ASIC2: variants seen among roughly 807,000 people sequenced by gnomAD.
ASIC2 encodes acid sensing ion channel subunit 2.
A neutral mutation model predicts 57.3 loss-of-function variants in ASIC2; 25 were observed. The observed-to-expected ratio is 0.44, with a 90% CI of 0.32 to 0.61. ASIC2 has a LOEUF of 0.61. Among genes scored for constraint, ASIC2 ranks in the 20% least tolerant of loss-of-function variants. The pLI is 0.06. For synonymous variants in ASIC2, 319 were observed against 307.5 expected (o/e 1.04, Z -0.39); for missense variants, 641 against 738.1 (o/e 0.87, Z 1.52).
At chr17:34,122,949 T>C (rs1911669475) in intron 1 of ASIC2, among the ~76,000 whole-genome samples, 1 of 152,160 alleles carries the variant, frequency 6.6e-6, no homozygotes, top group South Asian at 2.1e-4. Context: ...AATATCCAAA[T>C]CTGAATTTCA....
chr17:34,089,033 G>A (rs888184802), intron 1 of ASIC2, among the ~76,000 whole-genome samples: 14 of 152,280 alleles, frequency 9.2e-5, no homozygotes, highest in Admixed American at 2.6e-4. Context: ...CACACAGTGC[G>A]CTGCACCCAC....
At chr17:33,840,869 G>GCTT (rs1276307092) in intron 1 of ASIC2, among the ~76,000 whole-genome samples, 1 of 148,422 alleles carries the variant, frequency 6.7e-6, no homozygotes, top group Non-Finnish European at 1.5e-5. Context: ...TAATAGAATG[G>GCTT]CTTCTTTTGA....
At chr17:33,314,427 C>T (rs147042847) in intron 1 of ASIC2, among the ~76,000 whole-genome samples, 15 of 152,246 alleles carry the variant, frequency 9.9e-5, no homozygotes, top group East Asian at 3.9e-4. Context: ...TCTTGAGATG[C>T]GGATTCCAGC....
chr17:33,128,933 C>A lies in ASIC2; in HGVS notation c.709-16866G>T, dbSNP rs115906106. Among the ~76,000 whole-genome samples, 466 of 152,320 alleles carry A rather than the reference C, an allele frequency of 3.1e-3. 9 individuals are homozygous for A. Among genetic ancestry groups the A allele is most frequent in the African/African-American group, 0.011 (451 of 41,556 alleles). ...AGTGAATACGTCCATATATTTTTCT[C>A]TCTTTGCTCCATCCCTAAAGAGTGG... is the stretch of plus-strand genomic sequence containing the variant. On this transcript the variant is annotated intron_variant, in intron 1 of 9. Coordinates refer to ENST00000225823, the MANE Select transcript of ASIC2 (RefSeq NM_183377.2).
At chr17:33,667,137 A>G (rs1466163002) in intron 1 of ASIC2, among the ~76,000 whole-genome samples, 3 of 152,170 alleles carry the variant, frequency 2.0e-5, no homozygotes, top group Non-Finnish European at 4.4e-5. Flanking sequence ...GAACGATTCT[A>G]AATCTCAGCC....
At chr17:34,015,068 CTTTT>C (rs776970617) in intron 1 of ASIC2, among the ~76,000 whole-genome samples, 119 of 129,640 alleles carry the variant, frequency 9.2e-4, no homozygotes, top group African/African-American at 3.3e-3. Context: ...TTTCTTCTGC[CTTTT>C]TTTTTTTTTT....
At chr17:34,084,100 G>A (rs1291105871) in intron 1 of ASIC2, among the ~76,000 whole-genome samples, 2 of 151,806 alleles carry the variant, frequency 1.3e-5, no homozygotes, top group African/African-American at 2.4e-5. Flanking sequence ...CCTTGCCCAT[G>A]CCTATGTCCT....
chr17:33,559,753 G>T (rs1289538019), intron 1 of ASIC2, among the ~76,000 whole-genome samples: 1 of 152,136 alleles, frequency 6.6e-6, no homozygotes, highest in East Asian at 1.9e-4. Context: ...AAGATGACAT[G>T]TAAGGGACAG....
In ASIC2 at chr17:33,292,303, G is replaced by A; in HGVS notation, c.-188C>T. ...CGGCGCCGCCGCTGCCGCCTCCGCG[G>A]GCGCCCGCCCGGGGCTGAGCGCCGC... is the stretch of plus-strand genomic sequence containing the variant. On this transcript the variant is annotated 5_prime_UTR_variant, in exon 1 of 10. Transcript: ENST00000225823. The A allele has an allele frequency of 2.0e-6, 2 of 986,720 alleles. No homozygotes were observed. The highest frequency in any genetic ancestry group is 1.2e-4 in the Admixed American group (2 of 16,202). The allele number at this position is 986,720 out of a possible 1,614,324, so 61.1% of individuals were successfully genotyped here.
At chr17:33,626,820 G>A (rs1028380598) in intron 1 of ASIC2, among the ~76,000 whole-genome samples, 10 of 152,166 alleles carry the variant, frequency 6.6e-5, no homozygotes, top group South Asian at 4.2e-4. Context: ...CCATTTCAGC[G>A]GCTTCCTGAT....
chr17:34,017,012 A>G (rs1276676038), intron 1 of ASIC2, among the ~76,000 whole-genome samples: 1 of 152,226 alleles, frequency 6.6e-6, no homozygotes, highest in Non-Finnish European at 1.5e-5. Flanking sequence ...AAATAGCAAT[A>G]GTTTCATCAC....
chr17:33,197,191 G>A (rs1427386950), intron 1 of ASIC2, among the ~76,000 whole-genome samples: 1 of 152,172 alleles, frequency 6.6e-6, no homozygotes, highest in East Asian at 1.9e-4. Context: ...CTGGCACTGT[G>A]AGATTCCAGG....
At chr17:33,191,877 G>A (rs1316151787) in intron 1 of ASIC2, among the ~76,000 whole-genome samples, 2 of 152,126 alleles carry the variant, frequency 1.3e-5, no homozygotes, top group Non-Finnish European at 2.9e-5. Context: ...GGCCAGAATT[G>A]TGCTACATGC....
At chr17:33,498,741 A>C (rs567127109) in intron 1 of ASIC2, among the ~76,000 whole-genome samples, 1 of 152,306 alleles carries the variant, frequency 6.6e-6, no homozygotes, top group Admixed American at 6.5e-5. Context: ...CCACGTGGAA[A>C]GTGCTGCAAT....
In ASIC2 at chr17:33,292,539, C is replaced by T; in HGVS notation, c.-424G>A. 1.0e-6 allele frequency: 1 copy of T among 985,860 alleles called. No homozygotes were observed. The highest frequency in any genetic ancestry group is 1.2e-6 in the Non-Finnish European group (1 of 830,316). The allele number at this position is 985,860 out of a possible 1,614,324, so 61.1% of individuals were successfully genotyped here. A position where few individuals can be genotyped will look rare whatever the true frequency, so the allele number is the denominator to read the frequency against. On this transcript the variant is annotated 5_prime_UTR_variant, in exon 1 of 10. An upstream open reading frame in the 5' UTR gains an earlier in-frame stop. Coordinates refer to ENST00000225823, the MANE Select transcript of ASIC2 (RefSeq NM_183377.2). Reference sequence around the variant, plus strand: ...CGAGTCCCCCCTGCCCCGCCTAACCCCAGCTTTTACGCTGGTCCTGGGAGA... The same window carrying T: ...CGAGTCCCCCCTGCCCCGCCTAACCTCAGCTTTTACGCTGGTCCTGGGAGA...
intron 1 of ASIC2, among the ~76,000 whole-genome samples, chr17:33,122,994 G>A (rs1011328808): frequency 2.6e-5 from 4 of 152,178 alleles, no homozygotes; most frequent in Non-Finnish European, 5.9e-5. Context: ...AAGATAACAA[G>A]TATTGGTGAA....
At chr17:33,475,879 G>A (rs763096522) in intron 1 of ASIC2, among the ~76,000 whole-genome samples, 14 of 152,144 alleles carry the variant, frequency 9.2e-5, no homozygotes, top group African/African-American at 1.9e-4. Context: ...TCCAGCCGCT[G>A]CCCATAAACA....
At position 33,443,406 on chromosome 17, in the gene ASIC2, A is replaced by ATTTTTTTT. The variant is rs779597047; in HGVS notation, c.556-331347_556-331340dup. ...TTTTTTATGTATGGTGGAGGGTAAG[A>ATTTTTTTT]TTTTTTTTTTTTTTTTTTTTTTTTT... On this transcript the variant is annotated intron_variant, in intron 1 of 9. Transcript: ENST00000359872. Among the ~76,000 whole-genome samples, 60 of 75,264 alleles carry ATTTTTTTT rather than the reference A, an allele frequency of 8.0e-4. 7 individuals carry two copies. Among genetic ancestry groups the ATTTTTTTT allele is most frequent in the Admixed American group, 2.7e-3 (15 of 5,552 alleles). 49.4% of individuals were successfully genotyped at this position (75,264 alleles called of 152,430 possible). A position where few individuals can be genotyped will look rare whatever the true frequency, so the allele number is the denominator to read the frequency against.
At position 33,977,502 on chromosome 17, in the gene ASIC2, C is replaced by T. The variant is rs561657969; in HGVS notation, c.555+178476G>A. Among the ~76,000 whole-genome samples, 98 of 152,312 alleles carry T rather than the reference C, an allele frequency of 6.4e-4. 1 individual carries two copies. In the South Asian group the frequency reaches 0.017, roughly 26 times the overall value. The stretch of plus-strand genomic sequence containing the variant: ...CAGAAATCTGGGTACACAAAGTGCA[C>T]GTCTAGATTTCACATTTATCCAACA... On this transcript the variant is annotated intron_variant, in intron 1 of 9. Transcript: ENST00000359872.
Sources: gnomAD v4.1 joint callset for allele counts (sites outside exome capture counted in the v4.1 genomes callset) on GRCh38, gnomAD v4.1.1 for gene constraint, MANE v1.5 for transcripts, NCBI Gene and HGNC (gene_info 2026-07-23, HGNC 2026-07-21) for gene names.